DOCK9: variants seen among roughly 807,000 people sequenced by gnomAD.
DOCK9 encodes dedicator of cytokinesis 9.
Under a neutral mutation model 263.3 loss-of-function variants are expected in DOCK9, and 89 were observed. That is an observed-to-expected ratio of 0.34 (90% CI 0.28 to 0.40). The LOEUF is 0.40. Ranked by LOEUF, DOCK9 falls within the 10% of genes least tolerant of loss-of-function variation. DOCK9 has a pLI of 1.00. For synonymous variants in DOCK9, 976 were observed against 973.1 expected (o/e 1.00, Z -0.06); for missense variants, 2,140 against 2,603.4 (o/e 0.82, Z 3.87).
At chr13:98,982,789 A>G (rs1413875732), upstream of DOCK9, among the ~76,000 whole-genome samples, 2 of 152,248 alleles carry the variant, frequency 1.3e-5, no homozygotes, top group Non-Finnish European at 2.9e-5. Context: ...CATAAATCAA[A>G]ACCCAACAAT....
Position 98,903,074 on chromosome 13 carries a change from T to G in DOCK9, c.1074A>C (p.Ser358=). ...DFSSAEPEVK[S]FEEKFGKRIL... is the part of the protein sequence containing the mutation. ...TCCTTTTTCCAAACTTCTCTTCAAA[T>G]GACTTCACTTCTGGCTCAGCTGATG... The change falls in exon 11 of 53, where the codon TCA becomes TCC. Residue 358 remains serine, a synonymous_variant. Transcript: ENST00000682017. 6.5e-7 allele frequency: 1 copy of G among 1,534,534 alleles called. No individual in the cohort carries two copies. Among genetic ancestry groups the G allele is most frequent in the South Asian group, 1.3e-5 (1 of 79,986 alleles).
chr13:98,823,785 C>A (rs966838889), intron 45 of DOCK9, among the ~76,000 whole-genome samples: 1 of 152,216 alleles, frequency 6.6e-6, no homozygotes, highest in Non-Finnish European at 1.5e-5. Context: ...GCAAGGCTAA[C>A]CTGTTTTAGC....
At chr13:99,027,142 C>T (rs924516258) in intron 1 of DOCK9, among the ~76,000 whole-genome samples, 1 of 152,092 alleles carries the variant, frequency 6.6e-6, no homozygotes, top group African/African-American at 2.4e-5. Context: ...GCCTCAGCCT[C>T]CCAAGTAGCT....
chr13:98,849,467 TGGGA>T, intron 36 of DOCK9, among the ~76,000 whole-genome samples: 1 of 151,822 alleles, frequency 6.6e-6, no homozygotes, highest in African/African-American at 2.4e-5. Context: ...GAGATGCTGC[TGGGA>T]TGTAATGGGA....
intron 1 of DOCK9, among the ~76,000 whole-genome samples, chr13:98,999,030 G>A (rs1881683249): frequency 6.6e-6 from 1 of 152,108 alleles, no homozygotes; most frequent in Admixed American, 6.5e-5. Context: ...AGGGTGACAG[G>A]AAGTCAATGA....
At chr13:98,922,844 C>T (rs1160706123) in intron 5 of DOCK9, among the ~76,000 whole-genome samples, 1 of 152,146 alleles carries the variant, frequency 6.6e-6, no homozygotes, top group Admixed American at 6.5e-5. Context: ...TGCCCTACTC[C>T]CTTTATATAG....
At chr13:98,966,823 T>C (rs1377012856) in intron 1 of DOCK9, among the ~76,000 whole-genome samples, 1 of 152,230 alleles carries the variant, frequency 6.6e-6, no homozygotes, top group Non-Finnish European at 1.5e-5. Context: ...CCCAAAAATG[T>C]GAACTACTGC....
intron 1 of DOCK9, among the ~76,000 whole-genome samples, chr13:99,046,440 A>T (rs1196262970): frequency 6.6e-6 from 1 of 152,232 alleles, no homozygotes; most frequent in Non-Finnish European, 1.5e-5. Context: ...GAGGTTTTCA[A>T]AAGGAGGAAG....
Position 98,977,827 on chromosome 13 carries a change from G to A in DOCK9, c.83C>T (p.Ala28Val). 6.2e-7 allele frequency: 1 copy of A among 1,610,180 alleles called. No homozygotes were observed. Among genetic ancestry groups the A allele is most frequent in the South Asian group, 1.1e-5 (1 of 90,004 alleles). Residue 28 changes from alanine (A) to valine (V), a missense_variant, in exon 1 of 53, where the codon GCA (alanine) becomes GTA (valine). Transcript: ENST00000682017. ...VIESPLQYKD[A>V]AQGEVEAESP... ...CTCTGCTTCCACTTCGCCCTGAGCT[G>A]CATCCTTGTATTGCAGGGGGGACTC...
chr13:98,965,501 C>T (rs2141215287), intron 1 of DOCK9, among the ~76,000 whole-genome samples: 1 of 152,284 alleles, frequency 6.6e-6, no homozygotes, highest in East Asian at 1.9e-4. Context: ...ATTATCCAGT[C>T]CAGTCTTCTC....
rs190371736 is a variant in DOCK9, at chr13:98,902,075, G to A, written c.1381-175C>T. 6.2e-4 allele frequency among the ~76,000 whole-genome samples: 95 copies of A among 152,324 alleles called. 1 individual carries two copies. The South Asian group carries it at 0.011, about 18-fold the overall frequency. ...CTGCTCAAAAAGTCTATTTGGTGAG[G>A]GAGGTAACTAGGAGAACTTTTAGAA... On this transcript the variant is annotated intron_variant, in intron 12 of 52. Transcript: ENST00000682017.
intron 39 of DOCK9, among the ~76,000 whole-genome samples, chr13:98,835,336 T>C (rs2092950395): frequency 6.6e-6 from 1 of 152,206 alleles, no homozygotes; most frequent in Admixed American, 6.5e-5. Context: ...CAAAGAAAGA[T>C]CCCAGTGGCT....
chr13:98,811,257 T>C (rs2091270424), intron 45 of DOCK9, among the ~76,000 whole-genome samples: 2 of 152,242 alleles, frequency 1.3e-5, no homozygotes, highest in Admixed American at 1.3e-4. Flanking sequence ...AATTTGTTGA[T>C]TTGTTATATA....
At chr13:98,800,068 C>T (rs564446518) in intron 50 of DOCK9, among the ~76,000 whole-genome samples, 604 of 152,266 alleles carry the variant, frequency 4.0e-3, no homozygotes, top group Non-Finnish European at 6.0e-3. Flanking sequence ...AGATCTGGCT[C>T]TTGTCCCCAC....
At chr13:98,811,316 G>C (rs1378687493) in intron 45 of DOCK9, among the ~76,000 whole-genome samples, 2 of 151,986 alleles carry the variant, frequency 1.3e-5, no homozygotes, top group Non-Finnish European at 2.9e-5. Context: ...TTTTCTACTG[G>C]ATTGCTTATT....
At chr13:99,080,552 C>T (rs1051669716) in intron 1 of DOCK9, among the ~76,000 whole-genome samples, 6 of 152,230 alleles carry the variant, frequency 3.9e-5, no homozygotes, top group African/African-American at 1.2e-4. Flanking sequence ...CCTCCAAAAA[C>T]TTGCTCTTCT....
chr13:98,888,523 G>A lies in DOCK9; in HGVS notation c.1814C>T (p.Pro605Leu), dbSNP rs1330655269. 3 of 1,613,870 alleles carry A rather than the reference G, an allele frequency of 1.9e-6. No homozygotes were observed. The highest frequency in any genetic ancestry group is 1.7e-6 in the Non-Finnish European group (2 of 1,179,838). ...ACTGCAGGTTTCAAATTGTTTTGTG[G>A]GAATGTATGATGAATTAACATAATC... ...FPNYVNSSYI[P>L]TKQFETCSKT... The change falls in exon 17 of 53, where the codon CCC becomes CTC. Residue 605 changes from proline to leucine, a missense_variant. Physicochemically the swap from Pro to Leu is moderately conservative, Grantham distance 98. Around this residue, in one of 2 missense-constraint regions of DOCK9, gnomAD observed 1,521 missense variants for 1,741.7 expected, o/e 0.87. Coordinates refer to ENST00000682017, the MANE Select transcript of DOCK9 (RefSeq NM_001366683.2).
chr13:98,952,188 G>A (rs570577650), intron 2 of DOCK9, among the ~76,000 whole-genome samples: 2 of 151,912 alleles, frequency 1.3e-5, no homozygotes, highest in African/African-American at 2.4e-5. Context: ...GTGAGCCACC[G>A]TGCCCAGCCT....
At chr13:98,845,227 G>A in intron 38 of DOCK9, 3 of 765,106 alleles carry the variant, frequency 3.9e-6, no homozygotes, top group Non-Finnish European at 5.7e-6. Flanking sequence ...CTTTTGTAAA[G>A]TTAGAAAGCC....
Sources: gnomAD v4.1 joint callset for allele counts (sites outside exome capture counted in the v4.1 genomes callset) on GRCh38, gnomAD v4.1.1 for gene constraint, gnomAD v4.1.1 regional missense constraint, MANE v1.5 for transcripts, NCBI Gene and HGNC (gene_info 2026-07-23, HGNC 2026-07-21) for gene names.